Variants in LMO4 observed in about 807,000 individuals in gnomAD.
The protein encoded by LMO4 is LIM domain only 4, also known as LIM domain transcription factor LMO4.
LMO4 carries 3 observed loss-of-function variants against 18.5 expected under a neutral mutation model. The ratio of observed to expected loss-of-function variants is 0.16; its 90% CI spans 0.07 to 0.42. The LOEUF is 0.42. Among genes scored for constraint, LMO4 ranks in the 10% least tolerant of loss-of-function variants. The probability of loss-of-function intolerance (pLI) is 0.99; values close to 1 mark genes in which losing one functional copy is unlikely to be tolerated. For missense variants in LMO4, 121 were observed against 219.9 expected, an observed-to-expected ratio of 0.55 and a Z score of 2.84; for synonymous variants, 100 against 88.1, an observed-to-expected ratio of 1.14 and a Z score of -0.76.
chr1:87,332,195 C>T lies in LMO4; in HGVS notation c.180C>T (p.Ile60=). 1.9e-6 allele frequency: 3 copies of T among 1,614,236 alleles called. No individual in the cohort carries two copies. Among genetic ancestry groups the T allele is most frequent in the Non-Finnish European group, 2.5e-6 (3 of 1,180,040 alleles). The change falls in exon 2 of 5, where the codon ATC becomes ATT. Residue 60 remains isoleucine, a synonymous_variant. Transcript: ENST00000370544. ...CSCCQAQLGD[I]GTSCYTKSGM... is the part of the protein sequence containing the mutation. Reference sequence around the variant, plus strand: ...GCTGCCAGGCGCAGCTGGGCGACATCGGCACGTCCTGTTACACCAAAAGTG... The same window carrying T: ...GCTGCCAGGCGCAGCTGGGCGACATTGGCACGTCCTGTTACACCAAAAGTG...
chr1:87,344,186 G>A (rs1009252508), intron 4 of LMO4, among the ~76,000 whole-genome samples: 2 of 152,174 alleles, frequency 1.3e-5, no homozygotes, highest in South Asian at 2.1e-4. Context: ...CAATATGGGT[G>A]AATATTTTTC....
At chr1:87,337,472 G>A (rs1650347392) in intron 2 of LMO4, among the ~76,000 whole-genome samples, 1 of 152,132 alleles carries the variant, frequency 6.6e-6, no homozygotes. Flanking sequence ...TGTACCTGTT[G>A]GTAGTGGCAA....
At chr1:87,329,500 G>C (rs939601610) in intron 1 of LMO4, among the ~76,000 whole-genome samples, 8 of 152,022 alleles carry the variant, frequency 5.3e-5, no homozygotes, top group African/African-American at 1.9e-4. Context: ...AACGGGGCTG[G>C]TGGGGACCGT....
Position 87,339,536 on chromosome 1 carries a change from G to A in LMO4, c.237G>A (p.Arg79=). The A allele has an allele frequency of 1.2e-6, 2 of 1,611,506 alleles. No individual in the cohort carries two copies. Among genetic ancestry groups the A allele is most frequent in the African/African-American group, 1.3e-5 (1 of 74,952 alleles). ...GMILCRNDYI[R]LFGNSGACSA... ...TGTCAACCGTTATTCTTTGTTTCAG[G>A]TTATTTGGAAATAGCGGTGCTTGCA... The change falls in exon 3 of 5, where the codon AGG becomes AGA. Residue 79 remains arginine (R), a splice_region_variant and synonymous_variant. Transcript: ENST00000370544.
At chr1:87,332,815 C>T (rs909543399) in intron 2 of LMO4, among the ~76,000 whole-genome samples, 1 of 152,074 alleles carries the variant, frequency 6.6e-6, no homozygotes, top group Non-Finnish European at 1.5e-5. Flanking sequence ...ACTTGTAATT[C>T]TTCTTATAGA....
rs1650657672 is a variant in LMO4, at chr1:87,347,120, TTAA to T, written c.*2329_*2331del. ...TGGTTCCTCAAGCACTGCTGCGTAT[TTAA>T]TAATGAGCTTCTAAAAGCATTTCTT... On this transcript the variant is annotated 3_prime_UTR_variant, in exon 5 of 5. Coordinates refer to ENST00000370544, the MANE Select transcript of LMO4 (RefSeq NM_006769.4). The T allele has an allele frequency of 1.3e-5, 2 of 152,218 alleles. No homozygotes were observed. The highest frequency in any genetic ancestry group is 3.8e-4 in the East Asian group (2 of 5,200). 9.4% of individuals were successfully genotyped at this position (152,218 alleles called of 1,614,324 possible). A position where few individuals can be genotyped will look rare whatever the true frequency, so the allele number is the denominator to read the frequency against.
At chr1:87,336,223 A>G (rs1160844278) in intron 2 of LMO4, among the ~76,000 whole-genome samples, 1 of 152,118 alleles carries the variant, frequency 6.6e-6, no homozygotes, top group African/African-American at 2.4e-5. Context: ...CCTGCTGGAA[A>G]ACCAATTGCT....
At chr1:87,343,200 C>T (rs1477280089) in intron 4 of LMO4, among the ~76,000 whole-genome samples, 1 of 152,154 alleles carries the variant, frequency 6.6e-6, no homozygotes, top group African/African-American at 2.4e-5. Context: ...GAGATTTGTT[C>T]CCAGGGTCTG....
intron 3 of LMO4, 97 bp from the exon 4 acceptor site, chr1:87,339,950 C>G: frequency 2.2e-6 from 3 of 1,355,052 alleles, no homozygotes; most frequent in Middle Eastern, 3.8e-4. Flanking sequence ...TGTCTCTGTA[C>G]TTGACAGATA....
intron 4 of LMO4, among the ~76,000 whole-genome samples, chr1:87,344,501 TGC>T (rs760788133): frequency 4.3e-4 from 66 of 152,230 alleles, no homozygotes; most frequent in Non-Finnish European, 7.3e-4. Context: ...GAAAGACACT[TGC>T]TCTTAACAGA....
chr1:87,340,391 A>T (rs1650443303), intron 4 of LMO4, among the ~76,000 whole-genome samples, 189 bp downstream of exon 4: 1 of 148,494 alleles, frequency 6.7e-6, no homozygotes, highest in Non-Finnish European at 1.5e-5. Context: ...CTTTCTAGTT[A>T]AAAAAAAAAT....
chr1:87,330,979 T>G (rs1650121144), intron 1 of LMO4, among the ~76,000 whole-genome samples: 1 of 150,978 alleles, frequency 6.6e-6, no homozygotes, highest in African/African-American at 2.4e-5. Context: ...TTTAAAGCAG[T>G]TTTTGGTGAC....
In LMO4 at chr1:87,340,212, C is replaced by T. The variant is rs201659175; in HGVS notation, c.489+10C>T. On this transcript the variant is annotated intron_variant, in intron 4 of 4. Transcript: ENST00000370544. ...ACTGCCAGACCAGAAGGTGAATACCCAGCAATTACTAATAAGCTTTATTAG... is the reference window on the plus strand; with the variant it reads ...ACTGCCAGACCAGAAGGTGAATACCTAGCAATTACTAATAAGCTTTATTAG... 6.4e-5 allele frequency: 104 copies of T among 1,613,188 alleles called. No individual in the cohort carries two copies. Among genetic ancestry groups the T allele is most frequent in the Non-Finnish European group, 8.4e-5 (99 of 1,179,636 alleles).
At chr1:87,330,004 CTTTTT>C (rs895271767) in intron 1 of LMO4, among the ~76,000 whole-genome samples, 80 of 127,218 alleles carry the variant, frequency 6.3e-4, no homozygotes, top group Non-Finnish European at 9.8e-4. Flanking sequence ...TAAAAGCTTT[CTTTTT>C]TTTTTTTTTT....
chr1:87,338,160 A>T (rs1033718576), intron 2 of LMO4, among the ~76,000 whole-genome samples: 1 of 152,210 alleles, frequency 6.6e-6, no homozygotes, highest in Non-Finnish European at 1.5e-5. Context: ...GCGACAGCAA[A>T]TTAGTAGTTT....
At chr1:87,331,819 A>C (rs1015671281) in intron 1 of LMO4, 194 bp from the exon 2 acceptor site, 7 of 584,678 alleles carry the variant, frequency 1.2e-5, no homozygotes, top group Non-Finnish European at 2.1e-5. Context: ...AGAAAAGTAA[A>C]CAGGCGGCTG....
At chr1:87,329,965 T>G (rs1346539763) in intron 1 of LMO4, among the ~76,000 whole-genome samples, 1 of 152,004 alleles carries the variant, frequency 6.6e-6, no homozygotes, top group Non-Finnish European at 1.5e-5. Context: ...CTTGGCTATG[T>G]AATTACTAGA....
chr1:87,334,362 A>G (rs1391860638), intron 2 of LMO4, among the ~76,000 whole-genome samples: 3 of 152,036 alleles, frequency 2.0e-5, no homozygotes, highest in East Asian at 3.9e-4. Context: ...TTCCCCTCCA[A>G]TTTAAGAGAT....
Position 87,344,963 on chromosome 1 carries a change from A to G in LMO4, c.*167A>G, listed in dbSNP as rs1278681615. On this transcript the variant is annotated 3_prime_UTR_variant, in exon 5 of 5. Coordinates refer to ENST00000370544, the MANE Select transcript of LMO4 (RefSeq NM_006769.4). Reference sequence around the variant, plus strand: ...TTGCCCTTCCCGCATTTATTGGTGTATTAAAATGACTGAATATGAACATTA... The same window carrying G: ...TTGCCCTTCCCGCATTTATTGGTGTGTTAAAATGACTGAATATGAACATTA... The G allele has an allele frequency of 6.7e-6, 4 of 597,128 alleles. No homozygotes were observed. The Admixed American group carries it at 9.1e-5, about 14-fold the overall frequency. The allele number at this position is 597,128 out of a possible 1,614,324, so 37.0% of individuals were successfully genotyped here. A position where few individuals can be genotyped will look rare whatever the true frequency, so the allele number is the denominator to read the frequency against.
Sources: gnomAD v4.1 joint callset for allele counts (sites outside exome capture counted in the v4.1 genomes callset) on GRCh38, gnomAD v4.1.1 for gene constraint, MANE v1.5 for transcripts, NCBI Gene and HGNC (gene_info 2026-07-23, HGNC 2026-07-21) for gene names.